Variants in SLC35F1 observed in about 807,000 individuals in gnomAD.
The protein encoded by SLC35F1 is chromosome 6 open reading frame 169.
SLC35F1 carries 14 observed loss-of-function variants against 48.7 expected under a neutral mutation model. The observed-to-expected ratio is 0.29, with a 90% CI of 0.19 to 0.45. The LOEUF (loss-of-function observed/expected upper bound fraction) is 0.45, where lower values mean the gene tolerates loss of function less well. Among genes scored for constraint, SLC35F1 ranks in the 20% least tolerant of loss-of-function variants. SLC35F1 has a pLI of 1.00. For missense variants in SLC35F1, 404 were observed against 500.0 expected (o/e 0.81, Z 1.83); for synonymous variants, 190 against 202.2 (o/e 0.94, Z 0.51).
chr6:117,912,274 T>G (rs1383912119), intron 1 of SLC35F1, among the ~76,000 whole-genome samples: 1 of 152,196 alleles, frequency 6.6e-6, no homozygotes, highest in East Asian at 1.9e-4. Flanking sequence ...GAAACCTTTT[T>G]GAATATAAAC....
intron 1 of SLC35F1, among the ~76,000 whole-genome samples, chr6:118,123,355 GA>G (rs1773579609): frequency 1.3e-5 from 2 of 151,822 alleles, no homozygotes; most frequent in South Asian, 4.1e-4. Context: ...TTGTTGAGTA[GA>G]ATTGATCATC....
chr6:118,126,379 T>C (rs1773624952), intron 1 of SLC35F1, among the ~76,000 whole-genome samples: 1 of 152,246 alleles, frequency 6.6e-6, no homozygotes, highest in Admixed American at 6.5e-5. Flanking sequence ...TTTTGCTTAC[T>C]GTAGGCTTGT....
chr6:118,009,189 G>A (rs1185026129), intron 1 of SLC35F1, among the ~76,000 whole-genome samples: 1 of 152,132 alleles, frequency 6.6e-6, no homozygotes, highest in Non-Finnish European at 1.5e-5. Flanking sequence ...TCACACTTGG[G>A]ATACCATAGG....
intron 1 of SLC35F1, among the ~76,000 whole-genome samples, chr6:117,992,442 C>T (rs73519599): frequency 0.021 from 3,235 of 152,174 alleles, 129 homozygotes; most frequent in African/African-American, 0.074. Flanking sequence ...TATTTATTTC[C>T]TTTGCATTCT....
At chr6:118,213,764 C>T (rs910192591) in intron 2 of SLC35F1, among the ~76,000 whole-genome samples, 3 of 151,994 alleles carry the variant, frequency 2.0e-5, no homozygotes, top group African/African-American at 7.3e-5. Context: ...ATAAAAATTA[C>T]AGAAACACAT....
chr6:118,024,006 T>C (rs1777431942), intron 1 of SLC35F1, among the ~76,000 whole-genome samples: 1 of 152,236 alleles, frequency 6.6e-6, no homozygotes, highest in Non-Finnish European at 1.5e-5. Flanking sequence ...TCCATTAATT[T>C]TGAAGAGTCT....
chr6:118,104,681 C>T (rs546812574), intron 1 of SLC35F1, among the ~76,000 whole-genome samples: 5 of 150,152 alleles, frequency 3.3e-5, no homozygotes, highest in Admixed American at 6.6e-5. Context: ...ATTCTGAACT[C>T]TCTCATCATC....
intron 1 of SLC35F1, among the ~76,000 whole-genome samples, chr6:118,125,625 T>A (rs1222796954): frequency 2.0e-5 from 3 of 152,070 alleles, no homozygotes; most frequent in Non-Finnish European, 4.4e-5. Flanking sequence ...CTGTTAGCAT[T>A]CAGAAAATAA....
At chr6:118,041,709 C>G (rs1772223937) in intron 1 of SLC35F1, among the ~76,000 whole-genome samples, 4 of 152,036 alleles carry the variant, frequency 2.6e-5, no homozygotes, top group Non-Finnish European at 1.5e-5. Context: ...TAGTAACCGC[C>G]CTTCAGAGAT....
intron 2 of SLC35F1, among the ~76,000 whole-genome samples, chr6:118,162,191 A>G (rs1160051893): frequency 1.5e-4 from 23 of 152,234 alleles, no homozygotes; most frequent in Admixed American, 1.1e-3. Context: ...ATAAAAAGAA[A>G]TAAGCTACTG....
At chr6:117,952,645 C>T (rs1776376623) in intron 1 of SLC35F1, among the ~76,000 whole-genome samples, 1 of 152,038 alleles carries the variant, frequency 6.6e-6, no homozygotes, top group Non-Finnish European at 1.5e-5. Flanking sequence ...ACATCAAACT[C>T]GAGACTGGAG....
chr6:117,958,198 A>T (rs976540097), intron 1 of SLC35F1, among the ~76,000 whole-genome samples: 1 of 152,224 alleles, frequency 6.6e-6, no homozygotes, highest in Non-Finnish European at 1.5e-5. Context: ...TAGAATAAAG[A>T]TATAAATACA....
In SLC35F1 at chr6:118,235,643, A is replaced by G. The variant is rs753732894; in HGVS notation, c.477+7A>G. ...AACTCTGACCAGTATCCAGGTACCC[A>G]TGGTTCTTCTTCCCTTCTCAACTTC... is the stretch of plus-strand genomic sequence containing the variant. On this transcript the variant is annotated splice_region_variant and intron_variant, in intron 3 of 7. Coordinates refer to ENST00000360388, the MANE Select transcript of SLC35F1 (RefSeq NM_001029858.4). 10 of 1,609,750 alleles carry G rather than the reference A, an allele frequency of 6.2e-6. No individual in the cohort carries two copies. Among genetic ancestry groups the G allele is most frequent in the Non-Finnish European group, 8.5e-6 (10 of 1,178,454 alleles).
chr6:117,990,427 G>A (rs960986047), intron 1 of SLC35F1, among the ~76,000 whole-genome samples: 3 of 152,088 alleles, frequency 2.0e-5, no homozygotes, highest in African/African-American at 7.2e-5. Flanking sequence ...GGTTTATCTG[G>A]TGGTAGATTT....
chr6:117,965,992 C>A (rs760955585), intron 1 of SLC35F1, among the ~76,000 whole-genome samples: 1 of 143,216 alleles, frequency 7.0e-6, no homozygotes, highest in African/African-American at 2.5e-5. Flanking sequence ...CCAGTCAGCA[C>A]TCTGTCAAAA....
At chr6:118,171,544 C>T (rs1456439151) in intron 2 of SLC35F1, among the ~76,000 whole-genome samples, 3 of 151,938 alleles carry the variant, frequency 2.0e-5, no homozygotes, top group Non-Finnish European at 4.4e-5. Flanking sequence ...ATAAAAATTC[C>T]CCTTCACAGT....
At chr6:118,300,489 T>C (rs974348488) in intron 7 of SLC35F1, among the ~76,000 whole-genome samples, 4 of 152,194 alleles carry the variant, frequency 2.6e-5, no homozygotes, top group African/African-American at 9.6e-5. Context: ...TTGTTACTTT[T>C]ACCCATTTTT....
At position 118,272,572 on chromosome 6, in the gene SLC35F1, A is replaced by G. The variant is rs1469440017; in HGVS notation, c.638-2887A>G. On this transcript the variant is annotated intron_variant, in intron 4 of 7. Transcript: ENST00000360388. ...TGCAATATGTTATAATTTCCAGTTA[A>G]CTAGATACAAATTTTTTTTCTGCTG... Among the ~76,000 whole-genome samples, 3 of 151,936 alleles carry G rather than the reference A, an allele frequency of 2.0e-5. No homozygotes were observed. In the East Asian group the frequency reaches 5.8e-4, roughly 29 times the overall value.
At chr6:118,298,255 G>A (rs75046665) in intron 7 of SLC35F1, among the ~76,000 whole-genome samples, 15 of 152,042 alleles carry the variant, frequency 9.9e-5, no homozygotes, top group South Asian at 2.1e-4. Context: ...TTTCAATATC[G>A]TGAGTCACTG....
Sources: gnomAD v4.1 joint callset for allele counts (sites outside exome capture counted in the v4.1 genomes callset) on GRCh38, gnomAD v4.1.1 for gene constraint, MANE v1.5 for transcripts, NCBI Gene and HGNC (gene_info 2026-07-23, HGNC 2026-07-21) for gene names.